The following NRXN1 variants were observed in gnomAD, a reference collection of about 807,000 sequenced individuals.
The protein encoded by NRXN1 is neurexin-1.
A neutral mutation model predicts 150.9 loss-of-function variants in NRXN1; 39 were observed. That is an observed-to-expected ratio of 0.26 (90% CI 0.20 to 0.34). The LOEUF (loss-of-function observed/expected upper bound fraction) is 0.34. Ranked by LOEUF, NRXN1 falls within the 10% of genes least tolerant of loss-of-function variation. The pLI, the probability that NRXN1 is intolerant of heterozygous loss-of-function variation, is 1.00. For missense variants in NRXN1, 1,815 were observed against 1,949.9 expected (o/e 0.93, Z 1.30); for synonymous variants, 924 against 757.0 (o/e 1.22, Z -3.62).
At chr2:50,181,086 G>T (rs1354080013) in intron 18 of NRXN1, among the ~76,000 whole-genome samples, 2 of 151,916 alleles carry the variant, frequency 1.3e-5, no homozygotes, top group African/African-American at 4.8e-5. Flanking sequence ...ACCATGAAAA[G>T]AGTTTTAAGG....
At chr2:50,019,635 C>A (rs1162305387) in intron 21 of NRXN1, among the ~76,000 whole-genome samples, 7 of 15,686 alleles carry the variant, frequency 4.5e-4, no homozygotes, top group Non-Finnish European at 7.2e-4. Context: ...GAGCAAGATT[C>A]CGTCTCAAAA....
chr2:50,211,341 C>A (rs1480481652), intron 18 of NRXN1, among the ~76,000 whole-genome samples: 1 of 151,350 alleles, frequency 6.6e-6, no homozygotes, highest in Non-Finnish European at 1.5e-5. Flanking sequence ...GTATCTGTAT[C>A]CTAAATTTAA....
rs1003815342 is a variant in NRXN1 at position 51,028,545 on chromosome 2, A to C, written c.-272T>G. 2.6e-6 allele frequency: 1 copy of C among 379,246 alleles called. No individual in the cohort carries two copies. Among genetic ancestry groups the C allele is most frequent in the Non-Finnish European group, 4.7e-6 (1 of 213,308 alleles). The allele number at this position is 379,246 out of a possible 1,614,324, so 23.5% of individuals were successfully genotyped here. ...AACTTCCAGACCAAAGGGAGGATGCACTTTGGAGACAACGTTCTGGAAAAG... is the reference window on the plus strand; with the variant it reads ...AACTTCCAGACCAAAGGGAGGATGCCCTTTGGAGACAACGTTCTGGAAAAG... On this transcript the variant is annotated 5_prime_UTR_variant, in exon 2 of 23. Coordinates refer to ENST00000401669, the MANE Select transcript of NRXN1 (RefSeq NM_001330078.2).
rs757398519 is a variant in NRXN1, at chr2:50,552,924, C to G, written c.1422G>C (p.Glu474Asp). 1 of 1,613,864 alleles carries G rather than the reference C, an allele frequency of 6.2e-7. No homozygotes were observed. Among genetic ancestry groups the G allele is most frequent in the Non-Finnish European group, 8.5e-7 (1 of 1,179,780 alleles). The part of the protein sequence containing the change: ...KIHGVVAFKC[E>D]NVATLDPITF... ...TGATTGGGTCTAAAGTTGCAACATT[C>G]TCACATTTAAATGCCACCACTCCAT... Residue 474 changes from glutamate to aspartate, a missense_variant, in exon 9 of 23, where the codon GAG becomes GAC. Physicochemically the swap from Glu to Asp is conservative, Grantham distance 45. Around this residue, in one of 6 missense-constraint regions of NRXN1, gnomAD observed 638 missense variants for 652.6 expected, o/e 0.98. Coordinates refer to ENST00000401669, the MANE Select transcript of NRXN1 (RefSeq NM_001330078.2).
chr2:50,862,511 G>A (rs1676289017), intron 5 of NRXN1, among the ~76,000 whole-genome samples: 1 of 152,010 alleles, frequency 6.6e-6, no homozygotes, highest in African/African-American at 2.4e-5. Flanking sequence ...GTCAACTCAT[G>A]TGTAGGAAGG....
At chr2:50,092,553 C>A (rs1426768384) in intron 18 of NRXN1, among the ~76,000 whole-genome samples, 1 of 152,162 alleles carries the variant, frequency 6.6e-6, no homozygotes, top group South Asian at 2.1e-4. Flanking sequence ...TCCATCCTTT[C>A]CTGTAGAAGT....
chr2:50,278,252 A>G (rs191860537), intron 17 of NRXN1, among the ~76,000 whole-genome samples: 189 of 45,990 alleles, frequency 4.1e-3, no homozygotes, highest in Admixed American at 0.013. Context: ...ATATATATAT[A>G]TATTATATAT....
At chr2:50,079,918 G>A (rs1217764015) in intron 19 of NRXN1, among the ~76,000 whole-genome samples, 3 of 151,980 alleles carry the variant, frequency 2.0e-5, no homozygotes, top group Non-Finnish European at 2.9e-5. Flanking sequence ...ACCCACAGTC[G>A]AATGCAGTCT....
At chr2:50,397,233 A>C (rs2103885883) in intron 17 of NRXN1, among the ~76,000 whole-genome samples, 1 of 152,244 alleles carries the variant, frequency 6.6e-6, no homozygotes, top group South Asian at 2.1e-4. Flanking sequence ...TGAGAAACTT[A>C]GCCAGAGAGC....
chr2:50,984,134 A>ATTTTTTT (rs70958636), intron 2 of NRXN1, among the ~76,000 whole-genome samples: 5 of 72,808 alleles, frequency 6.9e-5, no homozygotes, highest in African/African-American at 1.3e-4. Context: ...CGCCAGGCTA[A>ATTTTTTT]TTTTTTTTTT....
chr2:50,092,658 A>G (rs7609169), intron 18 of NRXN1, among the ~76,000 whole-genome samples: 6,908 of 152,296 alleles, frequency 0.045, 516 homozygotes, highest in African/African-American at 0.16. Context: ...CAGCAGGAGT[A>G]TGGAATCAGC....
intron 5 of NRXN1, among the ~76,000 whole-genome samples, chr2:50,861,004 G>A (rs987472685): frequency 2.0e-5 from 3 of 152,050 alleles, no homozygotes; most frequent in Non-Finnish European, 2.9e-5. Context: ...GGGGAGAGGA[G>A]GGGATTTCTA....
intron 5 of NRXN1, among the ~76,000 whole-genome samples, chr2:50,768,000 T>C (rs548959280): frequency 1.6e-4 from 25 of 152,232 alleles, no homozygotes; most frequent in African/African-American, 6.0e-4. Flanking sequence ...CGATAATTTA[T>C]CATATTCTGC....
chr2:50,653,989 T>C (rs1686020614), intron 5 of NRXN1, among the ~76,000 whole-genome samples: 2 of 151,396 alleles, frequency 1.3e-5, no homozygotes, highest in African/African-American at 4.8e-5. Context: ...TTTTTTTTTT[T>C]TTTCTGGTTC....
At chr2:50,885,680 G>C (rs1026493412) in intron 5 of NRXN1, among the ~76,000 whole-genome samples, 1 of 151,280 alleles carries the variant, frequency 6.6e-6, no homozygotes, top group Non-Finnish European at 1.5e-5. Flanking sequence ...AATTCCCATG[G>C]TAGACTCAAT....
At chr2:50,521,927 C>T (rs1280980927) in intron 12 of NRXN1, among the ~76,000 whole-genome samples, 1 of 152,004 alleles carries the variant, frequency 6.6e-6, no homozygotes, top group East Asian at 1.9e-4. Flanking sequence ...AAGATTTGTC[C>T]AACGGGACAA....
At chr2:50,580,811 T>C (rs1025373900) in intron 8 of NRXN1, among the ~76,000 whole-genome samples, 2 of 152,158 alleles carry the variant, frequency 1.3e-5, no homozygotes, top group African/African-American at 4.8e-5. Flanking sequence ...ATTTCCATGC[T>C]ATGTTCACAG....
chr2:50,614,748 A>G (rs1559022265), intron 8 of NRXN1, among the ~76,000 whole-genome samples: 1 of 148,928 alleles, frequency 6.7e-6, no homozygotes, highest in African/African-American at 2.4e-5. Flanking sequence ...AAAAAAAAAA[A>G]AAAAAAACTT....
chr2:50,394,686 G>C (rs1480272517), intron 17 of NRXN1, among the ~76,000 whole-genome samples: 1 of 151,946 alleles, frequency 6.6e-6, no homozygotes. Context: ...TGCAGCCAGA[G>C]TTATCTTTTT....
Sources: allele counts gnomAD v4.1 joint callset (sites outside exome capture counted in the v4.1 genomes callset), GRCh38; gene constraint gnomAD v4.1.1; regional missense constraint gnomAD v4.1.1; transcripts MANE v1.5; gene names NCBI Gene and HGNC (gene_info 2026-07-23, HGNC 2026-07-21).